The following BMPER variants were observed in gnomAD, a reference collection of about 807,000 sequenced individuals.
BMPER encodes the protein BMP-binding endothelial regulator protein.
In BMPER, 45 loss-of-function variants were observed where a neutral mutation model predicts 87.3. The ratio of observed to expected loss-of-function variants is 0.52; its 90% CI spans 0.41 to 0.66. The LOEUF (loss-of-function observed/expected upper bound fraction) is 0.66, where lower values mean the gene tolerates loss of function less well. BMPER is among the 30% of genes least tolerant of loss of function. BMPER has a pLI of 0.00. For missense variants in BMPER, 784 were observed against 867.5 expected (o/e 0.90, Z 1.21); for synonymous variants, 326 against 316.2 (o/e 1.03, Z -0.33).
chr7:34,014,049 A>G lies in BMPER; in HGVS notation c.577-32257A>G, dbSNP rs111348905. On this transcript the variant is annotated intron_variant, in intron 6 of 14. Transcript: ENST00000649409. ...GATTACTTTGCCCATCAGGGTAAGG[A>G]CCCTCTCTGTAATTGCTCATCACTG... is the stretch of plus-strand genomic sequence containing the variant. Among the ~76,000 whole-genome samples, 220 of 152,032 alleles carry G rather than the reference A, an allele frequency of 1.4e-3. 1 individual carries two copies. The highest frequency in any genetic ancestry group is 4.9e-3 in the African/African-American group (205 of 41,498).
intron 13 of BMPER, among the ~76,000 whole-genome samples, chr7:34,101,315 G>A (rs6462526): frequency 0.61 from 92,992 of 152,058 alleles, 29,332 homozygotes; most frequent in Admixed American, 0.75. Context: ...GTTCCTGCAG[G>A]GAGCAAAGGC....
rs180703880 is a variant in BMPER at position 33,998,050 on chromosome 7, A to T, written c.576+23266A>T. 4.6e-5 allele frequency among the ~76,000 whole-genome samples: 7 copies of T among 152,248 alleles called. No homozygotes were observed. The South Asian group carries it at 1.5e-3, about 32-fold the overall frequency. ...CTGGTAGAATACAAGCTCCATTAGG[A>T]CTGGGACATTGTTTTGTTCATTGCT... is the stretch of plus-strand genomic sequence containing the variant. On this transcript the variant is annotated intron_variant, in intron 6 of 14. Coordinates refer to ENST00000649409, the MANE Select transcript of BMPER (RefSeq NM_001365308.1).
At chr7:33,935,684 GA>G (rs1319433379) in intron 2 of BMPER, among the ~76,000 whole-genome samples, 10 of 152,112 alleles carry the variant, frequency 6.6e-5, no homozygotes, top group African/African-American at 1.9e-4. Context: ...ACCAGTAAAT[GA>G]AAAAACAAAA....
intron 13 of BMPER, among the ~76,000 whole-genome samples, chr7:34,104,108 C>T (rs1789755035): frequency 6.6e-6 from 1 of 152,216 alleles, no homozygotes; most frequent in South Asian, 2.1e-4. Context: ...TCATCATTTG[C>T]TTGGACTGCT....
upstream of BMPER, chr7:33,905,438 T>TCCCCCCCCCCCCCCCCCCACCC: frequency 4.3e-5 from 1 of 23,006 alleles, no homozygotes; most frequent in Non-Finnish European, 8.2e-5. Flanking sequence ...CCTTGGTCTC[T>TCCCCCCCCCCCCCCCCCCACCC]CCCCCCGCCC....
intron 11 of BMPER, among the ~76,000 whole-genome samples, chr7:34,064,741 T>C (rs1262622993): frequency 6.6e-6 from 1 of 152,222 alleles, no homozygotes; most frequent in Non-Finnish European, 1.5e-5. Context: ...CAGATGGCTA[T>C]TTCTCAATTT....
chr7:34,046,214 G>A, intron 6 of BMPER, 92 bp from the exon 7 acceptor site: 1 of 1,217,376 alleles, frequency 8.2e-7, no homozygotes, highest in Non-Finnish European at 1.2e-6. Flanking sequence ...TAATACTATG[G>A]AAGGGCCTTA....
Position 34,078,895 on chromosome 7 carries a change from A to G in BMPER, c.1117A>G (p.Asn373Asp), listed in dbSNP as rs1366061407. ...CACGGTGTTTGGAGATCCCCACTAC[A>G]ACACTTTTGACGGTCGGACATTTAA... Reference protein sequence around the residue: ...VCTVFGDPHYNTFDGRTFNFQ... With the variant: ...VCTVFGDPHYDTFDGRTFNFQ... Residue 373 changes from asparagine (N) to aspartate (D), a missense_variant, in exon 12 of 15, where the codon AAC becomes GAC. Asn to Asp is a conservative substitution (Grantham distance 23). Coordinates refer to ENST00000649409, the MANE Select transcript of BMPER (RefSeq NM_001365308.1). 1 of 1,614,110 alleles carries G rather than the reference A, an allele frequency of 6.2e-7. No individual in the cohort carries two copies. The highest frequency in any genetic ancestry group is 1.7e-5 in the Admixed American group (1 of 60,026).
chr7:34,129,613 AG>A (rs879554591), intron 13 of BMPER, among the ~76,000 whole-genome samples: 8,727 of 107,798 alleles, frequency 0.081, 545 homozygotes, highest in Non-Finnish European at 0.092. Context: ...AGAGAGAAAG[AG>A]AGAGAGAGAG....
At position 34,046,347 on chromosome 7, in the gene BMPER, C is replaced by T. The variant is rs1367963176; in HGVS notation, c.618C>T (p.Leu206=). The T allele has an allele frequency of 6.2e-7, 1 of 1,614,046 alleles. No homozygotes were observed. The highest frequency in any genetic ancestry group is 8.5e-7 in the Non-Finnish European group (1 of 1,179,950). ...GTGTGAGAGAAGTCTGTCCCATTCT[C>T]TCCTGTCCCCAGCACCTTAGTCACA... The part of the protein sequence containing the change: ...TQCVREVCPI[L]SCPQHLSHIP... Residue 206 remains leucine (L), a synonymous_variant, in exon 7 of 15, where the codon CTC becomes CTT. Transcript: ENST00000649409.
chr7:34,061,639 T>A (rs967115830), intron 10 of BMPER, among the ~76,000 whole-genome samples: 3 of 152,214 alleles, frequency 2.0e-5, no homozygotes, highest in Non-Finnish European at 2.9e-5. Flanking sequence ...TTCTCATTTT[T>A]ATGTGTGTGC....
intron 6 of BMPER, among the ~76,000 whole-genome samples, chr7:34,008,122 G>C (rs867213126): frequency 1.3e-5 from 2 of 151,856 alleles, no homozygotes; most frequent in South Asian, 2.1e-4. Flanking sequence ...GTCTCCTCTG[G>C]ATTTTAAAAT....
intron 13 of BMPER, among the ~76,000 whole-genome samples, chr7:34,088,208 T>C (rs1357356525): frequency 3.9e-5 from 6 of 152,300 alleles, no homozygotes; most frequent in African/African-American, 1.4e-4. Context: ...ATCAGTGTCA[T>C]TGTGTCATGG....
At chr7:34,112,812 T>C (rs905800041) in intron 13 of BMPER, among the ~76,000 whole-genome samples, 1 of 152,022 alleles carries the variant, frequency 6.6e-6, no homozygotes, top group African/African-American at 2.4e-5. Flanking sequence ...TTTCATTGCT[T>C]TACAAATATT....
chr7:34,154,286 C>G lies in BMPER; in HGVS notation c.*1013C>G, dbSNP rs1233423200. 3 of 152,208 alleles carry G rather than the reference C, an allele frequency of 2.0e-5. No individual in the cohort carries two copies. Among genetic ancestry groups the G allele is most frequent in the African/African-American group, 7.2e-5 (3 of 41,444 alleles). The allele number at this position is 152,208 out of a possible 1,614,324, so 9.4% of individuals were successfully genotyped here. ...TTATAATTATTAGACAGTGGAAAAG[C>G]CTTTATTGACTAATTGATTTAACCT... On this transcript the variant is annotated 3_prime_UTR_variant, in exon 15 of 15. Coordinates refer to ENST00000649409, the MANE Select transcript of BMPER (RefSeq NM_001365308.1).
chr7:34,119,663 C>T (rs771363106), intron 13 of BMPER, among the ~76,000 whole-genome samples: 97 of 151,872 alleles, frequency 6.4e-4, no homozygotes, highest in Non-Finnish European at 1.2e-3. Flanking sequence ...GTAGAAAAAT[C>T]AAGAAGAAAA....
chr7:33,994,707 A>T (rs563432149), intron 6 of BMPER, among the ~76,000 whole-genome samples: 1 of 152,062 alleles, frequency 6.6e-6, no homozygotes, highest in Non-Finnish European at 1.5e-5. Context: ...GTGATGATGG[A>T]TTCTATGTGC....
rs1791243479 is a variant in BMPER at position 34,153,724 on chromosome 7, T to C, written c.*451T>C. On this transcript the variant is annotated 3_prime_UTR_variant, in exon 15 of 15. Transcript: ENST00000649409. ...GTGTTTCTCTGGAGAAGGGCACATT[T>C]ATCTAGGGGCATTTCAGGTTTCCAA... is the stretch of plus-strand genomic sequence containing the variant. The C allele has an allele frequency of 1.1e-5, 2 of 189,502 alleles. No individual in the cohort carries two copies. Among genetic ancestry groups the C allele is most frequent in the Admixed American group, 1.1e-4 (2 of 18,530 alleles). 11.7% of individuals were successfully genotyped at this position (189,502 alleles called of 1,614,324 possible). A position where few individuals can be genotyped will look rare whatever the true frequency, so the allele number is the denominator to read the frequency against.
intron 3 of BMPER, among the ~76,000 whole-genome samples, chr7:33,958,536 A>T (rs2128615476): frequency 6.6e-6 from 1 of 152,176 alleles, no homozygotes; most frequent in East Asian, 1.9e-4. Flanking sequence ...ACATCCTTTT[A>T]AAGTATCATT....
Sources: gnomAD v4.1 joint callset for allele counts (sites outside exome capture counted in the v4.1 genomes callset) on GRCh38, gnomAD v4.1.1 for gene constraint, MANE v1.5 for transcripts, NCBI Gene and HGNC (gene_info 2026-07-23, HGNC 2026-07-21) for gene names.